The following STX8 variants were observed in gnomAD, a reference collection of about 807,000 sequenced individuals.
STX8 encodes the protein syntaxin-8.
A neutral mutation model predicts 37.5 loss-of-function variants in STX8; 23 were observed. The observed-to-expected ratio is 0.61, with a 90% confidence interval of 0.44 to 0.87. STX8 has a LOEUF of 0.87. STX8 is among the 40% of genes least tolerant of loss of function. The probability of loss-of-function intolerance (pLI) is 0.00; values close to 1 mark genes in which losing one functional copy is unlikely to be tolerated. For missense variants in STX8, 313 were observed against 284.7 expected (o/e 1.10, Z -0.71); for synonymous variants, 115 against 99.1 (o/e 1.16, Z -0.95).
chr17:9,463,485 A>G (rs549282254), intron 6 of STX8, among the ~76,000 whole-genome samples: 6 of 152,122 alleles, frequency 3.9e-5, no homozygotes, highest in Non-Finnish European at 8.8e-5. Context: ...AAAGTCAAAT[A>G]TTTACAGGCT....
At chr17:9,434,414 G>A (rs966055529) in intron 6 of STX8, among the ~76,000 whole-genome samples, 7 of 152,224 alleles carry the variant, frequency 4.6e-5, no homozygotes, top group Non-Finnish European at 7.3e-5. Context: ...AACTAATTGC[G>A]TTAGCAGAGG....
intron 6 of STX8, among the ~76,000 whole-genome samples, chr17:9,484,548 G>A (rs909498310): frequency 3.3e-5 from 5 of 151,972 alleles, no homozygotes; most frequent in Non-Finnish European, 4.4e-5. Flanking sequence ...GGGCATGGTG[G>A]CTCACGCCTG....
chr17:9,454,230 C>G (rs1048986579), intron 6 of STX8, among the ~76,000 whole-genome samples: 1 of 152,178 alleles, frequency 6.6e-6, no homozygotes, highest in African/African-American at 2.4e-5. Flanking sequence ...CTTTCTCAAT[C>G]TGATAACCAA....
chr17:9,405,060 A>C (rs1888961405), intron 6 of STX8, among the ~76,000 whole-genome samples: 1 of 152,060 alleles, frequency 6.6e-6, no homozygotes, highest in South Asian at 2.1e-4. Flanking sequence ...GAAGTCATGT[A>C]CTACATCTGG....
In STX8 at chr17:9,411,470, A is replaced by C. The variant is rs1057426571; in HGVS notation, c.542-32817T>G. On this transcript the variant is annotated intron_variant, in intron 6 of 7. Coordinates refer to ENST00000306357, the MANE Select transcript of STX8 (RefSeq NM_004853.3). Reference sequence around the variant, plus strand: ...ACGAATGTTCTCAACACCAGGAAAAACACAGTCCATAGCTTTGCTTTAAGA... The same window carrying C: ...ACGAATGTTCTCAACACCAGGAAAACCACAGTCCATAGCTTTGCTTTAAGA... 2.0e-5 allele frequency among the ~76,000 whole-genome samples: 3 copies of C among 152,246 alleles called. No individual in the cohort carries two copies. In the East Asian group the frequency reaches 5.8e-4, roughly 29 times the overall value.
intron 2 of STX8, among the ~76,000 whole-genome samples, chr17:9,567,212 C>G (rs1465161356): frequency 6.6e-6 from 1 of 152,076 alleles, no homozygotes; most frequent in South Asian, 2.1e-4. Flanking sequence ...GGCTTCATAC[C>G]TGGGTGACAA....
chr17:9,400,075 GAATT>G (rs1268038455), intron 6 of STX8, among the ~76,000 whole-genome samples: 1 of 136,302 alleles, frequency 7.3e-6, no homozygotes, highest in Non-Finnish European at 1.6e-5. Context: ...ATAGGCAGTG[GAATT>G]ATTTATTTAT....
intron 7 of STX8, among the ~76,000 whole-genome samples, chr17:9,257,758 C>T (rs999123429): frequency 3.9e-5 from 6 of 152,198 alleles, no homozygotes; most frequent in African/African-American, 1.4e-4. Context: ...GAGGCCAAGG[C>T]GAGTGGATCA....
chr17:9,427,755 C>G (rs900128512), intron 6 of STX8, among the ~76,000 whole-genome samples: 1 of 152,110 alleles, frequency 6.6e-6, no homozygotes, highest in African/African-American at 2.4e-5. Flanking sequence ...CTGCTGGGAG[C>G]CCAGAGTCCT....
At chr17:9,292,970 C>A (rs1300297278) in intron 7 of STX8, among the ~76,000 whole-genome samples, 1 of 152,142 alleles carries the variant, frequency 6.6e-6, no homozygotes, top group Non-Finnish European at 1.5e-5. Flanking sequence ...TTAAAGTAAC[C>A]TGACAGAAAA....
At chr17:9,430,621 G>T (rs1913922583) in intron 6 of STX8, among the ~76,000 whole-genome samples, 6 of 149,164 alleles carry the variant, frequency 4.0e-5, no homozygotes, top group Non-Finnish European at 8.9e-5. Context: ...TTCATCTGTT[G>T]ACGGACAGTT....
intron 7 of STX8, among the ~76,000 whole-genome samples, chr17:9,322,915 C>T (rs370078517): frequency 8.4e-5 from 10 of 119,742 alleles, no homozygotes; most frequent in African/African-American, 2.8e-4. Flanking sequence ...AAAAAAAACA[C>T]AAACACACAC....
chr17:9,454,994 T>A (rs1182274520), intron 6 of STX8, among the ~76,000 whole-genome samples: 1 of 151,964 alleles, frequency 6.6e-6, no homozygotes, highest in African/African-American at 2.4e-5. Flanking sequence ...GGCGGGAGCA[T>A]CACTTGAGGT....
intron 7 of STX8, among the ~76,000 whole-genome samples, chr17:9,296,628 CTAAAAAA>C: frequency 1.0e-5 from 1 of 98,456 alleles, no homozygotes; most frequent in South Asian, 3.0e-4. Flanking sequence ...TGTTGAAAGA[CTAAAAAA>C]AAAAAAAAAC....
chr17:9,499,451 T>G (rs1041236696), intron 5 of STX8, among the ~76,000 whole-genome samples: 1 of 151,986 alleles, frequency 6.6e-6, no homozygotes, highest in Non-Finnish European at 1.5e-5. Flanking sequence ...CAGGCTGGAG[T>G]GTAGTAGCAC....
At chr17:9,516,350 TGTTAGA>T (rs1905161988) in intron 4 of STX8, among the ~76,000 whole-genome samples, 2 of 122,624 alleles carry the variant, frequency 1.6e-5, no homozygotes, top group Non-Finnish European at 3.4e-5. Context: ...TATAGACACC[TGTTAGA>T]AAATAAACAC....
chr17:9,429,202 T>A (rs187706824), intron 6 of STX8, among the ~76,000 whole-genome samples: 64 of 150,818 alleles, frequency 4.2e-4, no homozygotes, highest in African/African-American at 1.5e-3. Context: ...GTTTTTGGAA[T>A]GTTATACTAT....
intron 2 of STX8, among the ~76,000 whole-genome samples, chr17:9,567,933 G>A (rs960316169): frequency 5.3e-5 from 8 of 152,058 alleles, no homozygotes; most frequent in Non-Finnish European, 8.8e-5. Flanking sequence ...CAATCTGCCC[G>A]CCTCAGCCTC....
intron 6 of STX8, among the ~76,000 whole-genome samples, chr17:9,447,678 C>T (rs1904899000): frequency 6.6e-6 from 1 of 152,034 alleles, no homozygotes; most frequent in South Asian, 2.1e-4. Flanking sequence ...CAGCCTCAGT[C>T]TCCCAAAGTG....
Sources: allele counts gnomAD v4.1 joint callset (sites outside exome capture counted in the v4.1 genomes callset), GRCh38; gene constraint gnomAD v4.1.1; transcripts MANE v1.5; gene names NCBI Gene and HGNC (gene_info 2026-07-23, HGNC 2026-07-21).